The following GALNT1 variants were observed in gnomAD, a reference collection of about 807,000 sequenced individuals.
GALNT1 encodes polypeptide N-acetylgalactosaminyltransferase 1, also known as GalNAc transferase 1.
In GALNT1, 17 loss-of-function variants were observed where a neutral mutation model predicts 65.7. The observed-to-expected ratio is 0.26, with a 90% CI of 0.18 to 0.39. The LOEUF (loss-of-function observed/expected upper bound fraction) is 0.39, where lower values mean the gene tolerates loss of function less well. GALNT1 is among the 10% of genes least tolerant of loss of function. GALNT1 has a pLI of 1.00. For missense variants in GALNT1, 460 were observed against 672.8 expected (o/e 0.68, Z 3.50); for synonymous variants, 210 against 219.7 (o/e 0.96, Z 0.39).
intron 11 of GALNT1, among the ~76,000 whole-genome samples, chr18:35,705,036 G>A (rs1044339977): frequency 6.6e-6 from 1 of 152,032 alleles, no homozygotes; most frequent in Non-Finnish European, 1.5e-5. Context: ...TCCTTTTGTT[G>A]GCCTGGCTCT....
At chr18:35,637,358 G>C (rs2078779878) in intron 1 of GALNT1, among the ~76,000 whole-genome samples, 1 of 152,352 alleles carries the variant, frequency 6.6e-6, no homozygotes. Flanking sequence ...GCAAGGAAGA[G>C]TTCTTGAAGG....
At chr18:35,583,619 G>C (rs140237870) in intron 1 of GALNT1, among the ~76,000 whole-genome samples, 2 of 152,080 alleles carry the variant, frequency 1.3e-5, no homozygotes, top group African/African-American at 2.4e-5. Context: ...ATACTTAAGC[G>C]TGGTTGTTAG....
In GALNT1 at chr18:35,686,233, GAA is replaced by G. The variant is rs201042254; in HGVS notation, c.690-781_690-780del. ...AAATTCACGAAAAAATCTTGAGAGA[GAA>G]ATGGATAGGAAAGTCAATATCATAA... On this transcript the variant is annotated intron_variant, in intron 5 of 11. Transcript: ENST00000269195. 8.4e-3 allele frequency among the ~76,000 whole-genome samples: 1,278 copies of G among 152,322 alleles called. 17 individuals carry two copies. The highest frequency in any genetic ancestry group is 0.028 in the African/African-American group (1,179 of 41,556).
intron 1 of GALNT1, chr18:35,596,965 C>T (rs1288637939): frequency 3.9e-5 from 6 of 152,238 alleles, no homozygotes; most frequent in African/African-American, 7.2e-5. Flanking sequence ...CTCCGCCTAA[C>T]TTAGCAGGAG....
intron 1 of GALNT1, among the ~76,000 whole-genome samples, chr18:35,647,251 T>C (rs186251182): frequency 4.0e-5 from 6 of 151,890 alleles, no homozygotes; most frequent in African/African-American, 1.5e-4. Flanking sequence ...TGTAGAGCTG[T>C]GTACCTTCTT....
chr18:35,639,729 G>C (rs2047137231), intron 1 of GALNT1, among the ~76,000 whole-genome samples: 1 of 151,940 alleles, frequency 6.6e-6, no homozygotes, highest in Admixed American at 6.6e-5. Context: ...TATTTTTTGT[G>C]ATCTTTATGC....
intron 3 of GALNT1, among the ~76,000 whole-genome samples, chr18:35,667,453 TAGAAA>T (rs370011760): frequency 3.6e-4 from 55 of 152,236 alleles, no homozygotes; most frequent in African/African-American, 1.2e-3. Context: ...TAAGGACTCA[TAGAAA>T]AGAAAAATAA....
chr18:35,661,027 C>G (rs1445580156), intron 2 of GALNT1, among the ~76,000 whole-genome samples: 1 of 152,126 alleles, frequency 6.6e-6, no homozygotes, highest in South Asian at 2.1e-4. Flanking sequence ...ATATGCTGTA[C>G]ATTTTTGCCT....
intron 4 of GALNT1, among the ~76,000 whole-genome samples, chr18:35,678,959 C>T (rs2047749841): frequency 6.6e-6 from 1 of 152,096 alleles, no homozygotes. Flanking sequence ...AGGATAAATC[C>T]TACCTTTTAA....
At chr18:35,633,153 A>C (rs1194571064) in intron 1 of GALNT1, among the ~76,000 whole-genome samples, 2 of 152,208 alleles carry the variant, frequency 1.3e-5, no homozygotes, top group Non-Finnish European at 2.9e-5. Context: ...TCAGGGATCT[A>C]GAACTAGAAG....
At position 35,681,053 on chromosome 18, in the gene GALNT1, T is replaced by C. The variant is rs76120807; in HGVS notation, c.482-2338T>C. Among the ~76,000 whole-genome samples the C allele has an allele frequency of 5.7e-3, 864 of 152,288 alleles. 20 individuals are homozygous for C. The East Asian group carries it at 0.065, about 12-fold the overall frequency. On this transcript the variant is annotated intron_variant, in intron 4 of 11. Transcript: ENST00000269195. ...GGAGTTAGATTTATTAGATTCTGAA[T>C]TCTTTATTCTTCCCTTTATTCTTCT...
At chr18:35,675,775 G>A (rs2047702841) in intron 3 of GALNT1, among the ~76,000 whole-genome samples, 1 of 152,106 alleles carries the variant, frequency 6.6e-6, no homozygotes, top group Non-Finnish European at 1.5e-5. Context: ...TAATAAGTAG[G>A]ATTCACTTGG....
intron 1 of GALNT1, among the ~76,000 whole-genome samples, chr18:35,595,716 A>G (rs1216255726): frequency 1.3e-5 from 2 of 152,126 alleles, no homozygotes; most frequent in South Asian, 2.1e-4. Flanking sequence ...TTTTTTCTTA[A>G]GAGAAAAAAT....
intron 1 of GALNT1, among the ~76,000 whole-genome samples, chr18:35,603,953 G>A (rs944728460): frequency 2.0e-5 from 3 of 152,112 alleles, no homozygotes; most frequent in Non-Finnish European, 4.4e-5. Context: ...AGGTTCGGGG[G>A]TACATGTGCA....
At chr18:35,624,661 A>G (rs1368894394) in intron 1 of GALNT1, among the ~76,000 whole-genome samples, 1 of 151,576 alleles carries the variant, frequency 6.6e-6, no homozygotes, top group African/African-American at 2.4e-5. Flanking sequence ...TTGATTTTCT[A>G]TTTCCTCCTT....
At chr18:35,632,284 A>G (rs1217857074) in intron 1 of GALNT1, among the ~76,000 whole-genome samples, 1 of 152,196 alleles carries the variant, frequency 6.6e-6, no homozygotes, top group African/African-American at 2.4e-5. Context: ...GCATCATGCT[A>G]CCTGACTTCA....
intron 1 of GALNT1, among the ~76,000 whole-genome samples, chr18:35,638,790 C>T (rs545135166): frequency 2.6e-5 from 4 of 152,116 alleles, no homozygotes; most frequent in Non-Finnish European, 5.9e-5. Flanking sequence ...TTCTAGATGC[C>T]ATTAAGAACA....
intron 3 of GALNT1, among the ~76,000 whole-genome samples, chr18:35,667,462 AAAAT>A (rs929098754): frequency 6.6e-6 from 1 of 152,254 alleles, no homozygotes; most frequent in Non-Finnish European, 1.5e-5. Flanking sequence ...ATAGAAAAGA[AAAAT>A]AAAAATGATT....
intron 2 of GALNT1, among the ~76,000 whole-genome samples, chr18:35,663,424 G>A (rs1276216698): frequency 1.3e-5 from 2 of 152,196 alleles, no homozygotes; most frequent in African/African-American, 4.8e-5. Flanking sequence ...GTGGGGCAAG[G>A]TGACGAAGTC....
Sources: gnomAD v4.1 joint callset for allele counts (sites outside exome capture counted in the v4.1 genomes callset) on GRCh38, gnomAD v4.1.1 for gene constraint, MANE v1.5 for transcripts, NCBI Gene and HGNC (gene_info 2026-07-23, HGNC 2026-07-21) for gene names.